ABHD14A: variants seen among roughly 807,000 people sequenced by gnomAD.
ABHD14A encodes the protein protein ABHD14A.
In ABHD14A, 19 loss-of-function variants were observed where a neutral mutation model predicts 27.0. The observed-to-expected ratio is 0.70, with a 90% confidence interval of 0.49 to 1.03. ABHD14A has a LOEUF of 1.03. Ranked by LOEUF, ABHD14A falls within the 50% of genes least tolerant of loss-of-function variation. The pLI, the probability that ABHD14A is intolerant of heterozygous loss-of-function variation, is 0.00. For synonymous variants in ABHD14A, 148 were observed against 158.8 expected, an observed-to-expected ratio of 0.93 and a Z score of 0.51; for missense variants, 311 against 344.6, an observed-to-expected ratio of 0.90 and a Z score of 0.77.
In ABHD14A at chr3:51,978,062, C is replaced by T; in HGVS notation, c.261C>T (p.Leu87=). The T allele has an allele frequency of 1.2e-6, 2 of 1,613,880 alleles. No individual in the cohort carries two copies. Among genetic ancestry groups the T allele is most frequent in the Non-Finnish European group, 1.7e-6 (2 of 1,179,940 alleles). The change falls in exon 2 of 5, where the codon CTC becomes CTT. Residue 87 remains leucine (L), a synonymous_variant. Transcript: ENST00000273596. ...GNSPIFYREV[L]PLNQAHRVEV... ...CGCCCATCTTTTACCGCGAGGTGCT[C>T]CCACTCAACCAGGCACACAGGTAGG...
At chr3:51,977,815 AG>A in intron 1 of ABHD14A, 55 bp from the exon 2 acceptor site, 1 of 1,510,988 alleles carries the variant, frequency 6.6e-7, no homozygotes, top group Non-Finnish European at 9.1e-7. Context: ...GATGGGATCC[AG>A]GGTCCTTGTA....
At position 51,980,453 on chromosome 3, in the gene ABHD14A, T is replaced by C; in HGVS notation, c.458T>C (p.Leu153Pro). The change falls in exon 4 of 5, where the codon CTG becomes CCG. Residue 153 changes from leucine (L) to proline (P), a missense_variant. Coordinates refer to ENST00000273596, the MANE Select transcript of ABHD14A (RefSeq NM_015407.5). ...ACAGAGGCAGGGCGGGCAGCGCTGCTGGAGCGGGCGCTGCGGGACCTGGAG... is the reference window on the plus strand; with the variant it reads ...ACAGAGGCAGGGCGGGCAGCGCTGCCGGAGCGGGCGCTGCGGGACCTGGAG... ...ASTEAGRAALLERALRDLEVQ... is the reference protein window; with the variant it reads ...ASTEAGRAALPERALRDLEVQ... 3 of 1,613,512 alleles carry C rather than the reference T, an allele frequency of 1.9e-6. No homozygotes were observed. Among genetic ancestry groups the C allele is most frequent in the Non-Finnish European group, 2.5e-6 (3 of 1,180,020 alleles).
chr3:51,975,441 C>T (rs1700767564), intron 1 of ABHD14A, among the ~76,000 whole-genome samples: 2 of 131,738 alleles, frequency 1.5e-5, no homozygotes, highest in African/African-American at 3.1e-5. Context: ...TGGGTTTCTG[C>T]GCGCTTATAT....
At chr3:51,979,991 G>A (rs563574858) in intron 3 of ABHD14A, among the ~76,000 whole-genome samples, 32 of 151,058 alleles carry the variant, frequency 2.1e-4, no homozygotes, top group African/African-American at 7.1e-4. Context: ...GCATGATCTC[G>A]GCTCACTGCA....
Position 51,980,517 on chromosome 3 carries a change from C to T in ABHD14A, c.522C>T (p.Gly174=), listed in dbSNP as rs763110053. 2.5e-6 allele frequency: 4 copies of T among 1,614,080 alleles called. No homozygotes were observed. The highest frequency in any genetic ancestry group is 3.3e-5 in the Admixed American group (2 of 60,020). Residue 174 remains glycine (G), a synonymous_variant, in exon 4 of 5, where the codon GGC becomes GGT. Transcript: ENST00000273596. ...NAVLVSPSLS[G]HYALPFLMRG... is the part of the protein sequence containing the mutation. ...TGTTGGTGAGCCCCTCGCTGAGTGG[C>T]CACTATGCCCTGCCCTTCCTGATGC...
rs34149506 is a variant in ABHD14A, at chr3:51,980,891, T to G, written c.689T>G (p.Leu230Arg). 3.5e-3 allele frequency: 5,714 copies of G among 1,614,142 alleles called. 12 individuals carry two copies. Among genetic ancestry groups the G allele is most frequent in the Non-Finnish European group, 4.3e-3 (5,058 of 1,180,020 alleles). Residue 230 changes from leucine to arginine, a missense_variant, in exon 5 of 5, where the codon CTG (leucine) becomes CGG (arginine). Physicochemically the swap from Leu to Arg is moderately radical, Grantham distance 102. Coordinates refer to ENST00000273596, the MANE Select transcript of ABHD14A (RefSeq NM_015407.5). ...GACCACATCCTGGCTCGAGAGTCAC[T>G]GCGGCAGCTCCGCCACCTGCCCAAC... ...ELDHILARES[L>R]RQLRHLPNHS...
chr3:51,980,008 G>GC (rs942834012), intron 3 of ABHD14A, among the ~76,000 whole-genome samples: 1 of 151,004 alleles, frequency 6.6e-6, no homozygotes, highest in African/African-American at 2.4e-5. Context: ...TGCAGGCTCC[G>GC]CCCCCCGGGG....
intron 3 of ABHD14A, among the ~76,000 whole-genome samples, chr3:51,979,529 G>T: frequency 7.1e-6 from 1 of 140,900 alleles, no homozygotes; most frequent in African/African-American, 2.7e-5. Context: ...CTGTCACCCT[G>T]GCTGGAGTGC....
In ABHD14A at chr3:51,981,017, G is replaced by A. The variant is rs1258956046; in HGVS notation, c.815G>A (p.Ter272=). The A allele has an allele frequency of 3.1e-6, 5 of 1,605,070 alleles. No individual in the cohort carries two copies. The South Asian group carries it at 5.5e-5, about 18-fold the overall frequency. The change falls in exon 5 of 5, where the codon TGA becomes TAA. Residue 272 remains the stop codon, a stop_retained_variant. Transcript: ENST00000273596. ...VLLAFLDHLP[*] ...CTTGCCTTCCTTGACCATCTACCTTGAACTAACCCACTCCCAGCTCCCAGC... is the reference window on the plus strand; with the variant it reads ...CTTGCCTTCCTTGACCATCTACCTTAAACTAACCCACTCCCAGCTCCCAGC...
chr3:51,975,103 G>T lies in ABHD14A; in HGVS notation c.-33G>T. The stretch of plus-strand genomic sequence containing the variant: ...ATGGCCGCGCTCCTGGCCGCCTAGA[G>T]CCGGAGCGGCCCGCGGAGCTGCGGA... On this transcript the variant is annotated 5_prime_UTR_variant, in exon 1 of 5. Coordinates refer to ENST00000273596, the MANE Select transcript of ABHD14A (RefSeq NM_015407.5). The T allele has an allele frequency of 1.6e-6, 2 of 1,287,402 alleles. No individual in the cohort carries two copies. The highest frequency in any genetic ancestry group is 3.1e-5 in the East Asian group (1 of 31,794). The allele number at this position is 1,287,402 out of a possible 1,614,324, so 79.7% of individuals were successfully genotyped here.
At chr3:51,978,157 C>G (rs1442137366) in intron 2 of ABHD14A, 75 bp downstream of exon 2, 2 of 1,541,832 alleles carry the variant, frequency 1.3e-6, no homozygotes, top group African/African-American at 1.4e-5. Flanking sequence ...CCATTATACT[C>G]AGGGTGCTCA....
intron 3 of ABHD14A, among the ~76,000 whole-genome samples, chr3:51,979,917 TTTTTA>T (rs1267272359): frequency 1.3e-5 from 2 of 152,094 alleles, no homozygotes; most frequent in Admixed American, 1.3e-4. Flanking sequence ...TATTATTTAT[TTTTTA>T]TTTTATTTTA....
rs1405590891 is a variant in ABHD14A at position 51,977,938 on chromosome 3, T to A, written c.137T>A (p.Leu46His). 3.7e-6 allele frequency: 6 copies of A among 1,614,040 alleles called. No individual in the cohort carries two copies. The highest frequency in any genetic ancestry group is 5.1e-6 in the Non-Finnish European group (6 of 1,180,040). ...CTGGGCCTGAGTCTGCTGCTCATGC[T>A]CCTACTGTATGTGGGGCTGCCAGGC... ...ALLGLSLLLM[L>H]LLYVGLPGPP... The change falls in exon 2 of 5, where the codon CTC (leucine) becomes CAC (histidine). Residue 46 changes from leucine (L) to histidine (H), a missense_variant. Transcript: ENST00000273596.
chr3:51,976,658 G>C (rs1467644663), intron 1 of ABHD14A, among the ~76,000 whole-genome samples: 1 of 152,218 alleles, frequency 6.6e-6, no homozygotes, highest in East Asian at 1.9e-4. Context: ...CTGGGCGACA[G>C]AGCAAGACTC....
intron 3 of ABHD14A, 55 bp from the exon 4 acceptor site, chr3:51,980,338 G>T: frequency 6.5e-7 from 1 of 1,549,990 alleles, no homozygotes; most frequent in Non-Finnish European, 8.9e-7. Context: ...TGGTGGGCAG[G>T]AAGTCCTGTG....
At chr3:51,980,346 G>T in intron 3 of ABHD14A, 47 bp from the exon 4 acceptor site, 1 of 1,579,084 alleles carries the variant, frequency 6.3e-7, no homozygotes, top group South Asian at 1.1e-5. Flanking sequence ...AGGAAGTCCT[G>T]TGCCCCTTCC....
chr3:51,978,861 G>A, intron 3 of ABHD14A: 1 of 261,392 alleles, frequency 3.8e-6, no homozygotes, highest in South Asian at 3.0e-5. Context: ...CCAAGTGCTG[G>A]GATTACAGGT....
chr3:51,975,950 G>GC (rs778145541), intron 1 of ABHD14A, among the ~76,000 whole-genome samples: 6 of 152,340 alleles, frequency 3.9e-5, no homozygotes, highest in South Asian at 4.1e-4. Context: ...AGTTTACCCT[G>GC]CCCCCCGCAA....
At position 51,980,983 on chromosome 3, in the gene ABHD14A, C is replaced by G. The variant is rs1038950068; in HGVS notation, c.781C>G (p.Leu261Val). 6.2e-7 allele frequency: 1 copy of G among 1,613,412 alleles called. No individual in the cohort carries two copies. Among genetic ancestry groups the G allele is most frequent in the African/African-American group, 1.3e-5 (1 of 74,932 alleles). The change falls in exon 5 of 5, where the codon CTT becomes GTT. Residue 261 changes from leucine (L) to valine (V), a missense_variant. Leu to Val is a conservative substitution (Grantham distance 32). Coordinates refer to ENST00000273596, the MANE Select transcript of ABHD14A (RefSeq NM_015407.5). Reference sequence around the variant, plus strand: ...CCTCCACAAGCCGCAAGACTTCCACCTTGTCCTGCTTGCCTTCCTTGACCA... The same window carrying G: ...CCTCCACAAGCCGCAAGACTTCCACGTTGTCCTGCTTGCCTTCCTTGACCA... Reference protein sequence around the residue: ...CYLHKPQDFHLVLLAFLDHLP With the variant: ...CYLHKPQDFHVVLLAFLDHLP
Sources: allele counts gnomAD v4.1 joint callset (sites outside exome capture counted in the v4.1 genomes callset), GRCh38; gene constraint gnomAD v4.1.1; transcripts MANE v1.5; gene names NCBI Gene and HGNC (gene_info 2026-07-23, HGNC 2026-07-21).